The following ARID1B variants were observed in gnomAD, a reference collection of about 807,000 sequenced individuals.
The protein encoded by ARID1B is AT-rich interaction domain 1B.
Under a neutral mutation model 212.3 loss-of-function variants are expected in ARID1B, and 30 were observed. That is an observed-to-expected ratio of 0.14 (90% CI 0.11 to 0.19). The LOEUF (loss-of-function observed/expected upper bound fraction) is 0.19, where lower values mean the gene tolerates loss of function less well. Among genes scored for constraint, ARID1B ranks in the 10% least tolerant of loss-of-function variants. The pLI, the probability that ARID1B is intolerant of heterozygous loss-of-function variation, is 1.00. For synonymous variants in ARID1B, 1,402 were observed against 1,301.7 expected, an observed-to-expected ratio of 1.08 and a Z score of -1.66; for missense variants, 2,891 against 3,204.0, an observed-to-expected ratio of 0.90 and a Z score of 2.36.
intron 5 of ARID1B, among the ~76,000 whole-genome samples, chr6:157,095,937 C>G (rs763750851): frequency 3.9e-5 from 6 of 152,186 alleles, no homozygotes; most frequent in African/African-American, 4.8e-5. Context: ...GCCTCAGTGC[C>G]TTTTCTTAGA....
chr6:156,972,076 A>G (rs549712981), intron 4 of ARID1B, among the ~76,000 whole-genome samples: 1 of 152,332 alleles, frequency 6.6e-6, no homozygotes, highest in Admixed American at 6.5e-5. Flanking sequence ...TAGTTCATAT[A>G]GTTCTGTATT....
At chr6:156,808,093 A>G (rs1781305519) in intron 1 of ARID1B, among the ~76,000 whole-genome samples, 1 of 152,242 alleles carries the variant, frequency 6.6e-6, no homozygotes, top group African/African-American at 2.4e-5. Flanking sequence ...ACCCTATTGT[A>G]TCCCAAAGCA....
chr6:156,791,328 C>G (rs1388391000), intron 1 of ARID1B, among the ~76,000 whole-genome samples: 2 of 152,246 alleles, frequency 1.3e-5, no homozygotes, highest in Admixed American at 1.3e-4. Flanking sequence ...CTCAAACTTT[C>G]ACACATGAAA....
At chr6:157,073,962 G>A (rs940081602) in intron 4 of ARID1B, among the ~76,000 whole-genome samples, 2 of 152,178 alleles carry the variant, frequency 1.3e-5, no homozygotes, top group African/African-American at 2.4e-5. Context: ...GGGTTTGACT[G>A]TGGCTCAGGC....
rs555972736 is a variant in ARID1B at position 156,871,715 on chromosome 6, G to A, written c.1987-29661G>A. 4 of 1,563,300 alleles carry A rather than the reference G, an allele frequency of 2.6e-6. No homozygotes were observed. The South Asian group carries it at 4.6e-5, about 18-fold the overall frequency. ...CTTTGGGACAGCATATGACAGTGGG[G>A]GCAGCTGGCACATCTGTGTTGTTCC... is the stretch of plus-strand genomic sequence containing the variant. On this transcript the variant is annotated intron_variant, in intron 2 of 19. Coordinates refer to ENST00000636930, the MANE Select transcript of ARID1B (RefSeq NM_001374828.1).
intron 4 of ARID1B, among the ~76,000 whole-genome samples, chr6:157,039,643 T>TTCCG (rs1562569004): frequency 1.1e-5 from 1 of 91,886 alleles, no homozygotes; most frequent in Non-Finnish European, 2.5e-5. Flanking sequence ...CCTTCCTTCC[T>TTCCG]TCTTTCCTTC....
At chr6:156,837,227 G>A (rs771704307) in intron 2 of ARID1B, among the ~76,000 whole-genome samples, 2 of 152,214 alleles carry the variant, frequency 1.3e-5, no homozygotes, top group Non-Finnish European at 2.9e-5. Context: ...TAGATGTGTA[G>A]AGTGCAGTCT....
intron 6 of ARID1B, among the ~76,000 whole-genome samples, chr6:157,123,746 G>T (rs1787939320): frequency 6.6e-6 from 1 of 152,280 alleles, no homozygotes; most frequent in Admixed American, 6.5e-5. Context: ...ATGAATAATA[G>T]TAGCTATCAT....
intron 1 of ARID1B, among the ~76,000 whole-genome samples, chr6:156,788,709 T>C (rs1779814460): frequency 6.6e-6 from 1 of 152,198 alleles, no homozygotes; most frequent in African/African-American, 2.4e-5. Context: ...TAATTTACTA[T>C]GCATGGAGGG....
At chr6:156,935,240 G>A (rs890080467) in intron 3 of ARID1B, among the ~76,000 whole-genome samples, 2 of 151,424 alleles carry the variant, frequency 1.3e-5, no homozygotes, top group Non-Finnish European at 2.9e-5. Context: ...CACCACACTC[G>A]GCTAATTTTT....
chr6:157,204,370 CA>C (rs1387541541), intron 19 of ARID1B: 6 of 164,324 alleles, frequency 3.7e-5, no homozygotes, highest in Admixed American at 3.6e-4. Context: ...CAGTTGGTTG[CA>C]ATGGGACATA....
At chr6:157,145,941 G>A (rs867106725) in intron 7 of ARID1B, among the ~76,000 whole-genome samples, 1 of 152,182 alleles carries the variant, frequency 6.6e-6, no homozygotes. Context: ...TAAATGTTAA[G>A]TGTTTGCTTT....
intron 4 of ARID1B, among the ~76,000 whole-genome samples, chr6:157,034,136 C>G (rs947039119): frequency 2.0e-5 from 3 of 152,150 alleles, no homozygotes; most frequent in Non-Finnish European, 4.4e-5. Flanking sequence ...AATGAATAAT[C>G]TTATCTTTTC....
At chr6:156,837,823 G>A (rs1305030159) in intron 2 of ARID1B, among the ~76,000 whole-genome samples, 1 of 152,306 alleles carries the variant, frequency 6.6e-6, no homozygotes, top group East Asian at 1.9e-4. Flanking sequence ...AGAGAGCCTT[G>A]CTTAATCCAG....
At chr6:157,080,720 C>A (rs940743975) in intron 4 of ARID1B, among the ~76,000 whole-genome samples, 4 of 152,138 alleles carry the variant, frequency 2.6e-5, no homozygotes, top group Admixed American at 2.6e-4. Context: ...ACAGTGAAAT[C>A]TCTTGTACTT....
intron 2 of ARID1B, among the ~76,000 whole-genome samples, chr6:156,844,558 A>T (rs1784102425): frequency 1.3e-5 from 2 of 152,224 alleles, no homozygotes; most frequent in South Asian, 2.1e-4. Flanking sequence ...TGCCTTTGGA[A>T]ATAGGAACTT....
intron 4 of ARID1B, among the ~76,000 whole-genome samples, chr6:156,945,230 C>T (rs565221207): frequency 2.0e-3 from 207 of 101,674 alleles, no homozygotes; most frequent in African/African-American, 7.6e-3. Context: ...CCCCCGCATC[C>T]GGCTTTTTTT....
intron 1 of ARID1B, among the ~76,000 whole-genome samples, chr6:156,789,395 T>A (rs1445448519): frequency 6.6e-6 from 1 of 152,210 alleles, no homozygotes; most frequent in Non-Finnish European, 1.5e-5. Flanking sequence ...ACAGCAATAA[T>A]GTGGGCAGAA....
chr6:157,085,000 C>G (rs766551731), intron 5 of ARID1B, 95 bp downstream of exon 5: 2 of 1,435,074 alleles, frequency 1.4e-6, no homozygotes, highest in Non-Finnish European at 1.9e-6. Context: ...TATTTAAAAC[C>G]TAGTGGCCAC....
Sources: allele counts gnomAD v4.1 joint callset (sites outside exome capture counted in the v4.1 genomes callset), GRCh38; gene constraint gnomAD v4.1.1; transcripts MANE v1.5; gene names NCBI Gene and HGNC (gene_info 2026-07-23, HGNC 2026-07-21).